Variants in NWD2 observed in about 807,000 individuals in gnomAD.
The protein encoded by NWD2 is NACHT and WD repeat domain containing 2, also known as NACHT and WD repeat domain-containing protein 2.
A neutral mutation model predicts 132.7 loss-of-function variants in NWD2; 37 were observed. That is an observed-to-expected ratio of 0.28 (90% CI 0.21 to 0.37). The LOEUF (loss-of-function observed/expected upper bound fraction) is 0.37. NWD2 is among the 10% of genes least tolerant of loss of function. The pLI, the probability that NWD2 is intolerant of heterozygous loss-of-function variation, is 1.00. For missense variants in NWD2, 1,592 were observed against 2,122.4 expected (o/e 0.75, Z 4.91); for synonymous variants, 705 against 803.0 (o/e 0.88, Z 2.06).
chr4:37,246,434 G>A (rs763231558), intron 1 of NWD2, among the ~76,000 whole-genome samples: 1 of 152,210 alleles, frequency 6.6e-6, no homozygotes, highest in Non-Finnish European at 1.5e-5. Context: ...GTATTAGAAA[G>A]ACGATATACT....
chr4:37,286,850 T>TG (rs1718241789), intron 1 of NWD2, among the ~76,000 whole-genome samples: 2 of 151,440 alleles, frequency 1.3e-5, no homozygotes, highest in Non-Finnish European at 2.9e-5. Flanking sequence ...TTAATCACAT[T>TG]GAAAAAAAAA....
chr4:37,256,464 G>A (rs10015594), intron 1 of NWD2, among the ~76,000 whole-genome samples: 15,994 of 152,186 alleles, frequency 0.11, 933 homozygotes, highest in African/African-American at 0.14. Flanking sequence ...GAACCTGCAT[G>A]TGAGTTTGTT....
At chr4:37,249,843 C>G (rs1003104999) in intron 1 of NWD2, among the ~76,000 whole-genome samples, 1 of 152,116 alleles carries the variant, frequency 6.6e-6, no homozygotes, top group Non-Finnish European at 1.5e-5. Context: ...TTGCATCTTC[C>G]CAGACTCTTC....
At position 37,448,280 on chromosome 4, in the gene NWD2, CTT is replaced by C. The variant is rs1026526911; in HGVS notation, c.*1065_*1066del. On this transcript the variant is annotated 3_prime_UTR_variant, in exon 7 of 7. Transcript: ENST00000309447. ...TCTGGGATAAACTGAATATGCCTGTCTTTGTGCTAAAATATTCCATAAATCTT... is the reference window on the plus strand; with the variant it reads ...TCTGGGATAAACTGAATATGCCTGTCTGTGCTAAAATATTCCATAAATCTT... 6.6e-6 allele frequency: 1 copy of C among 152,160 alleles called. No individual in the cohort carries two copies. The highest frequency in any genetic ancestry group is 6.5e-5 in the Admixed American group (1 of 15,280). 9.4% of individuals were successfully genotyped at this position (152,160 alleles called of 1,614,324 possible).
At chr4:37,271,923 A>G in intron 1 of NWD2, among the ~76,000 whole-genome samples, 1 of 151,786 alleles carries the variant, frequency 6.6e-6, no homozygotes, top group East Asian at 1.9e-4. Flanking sequence ...CTAAGAAATC[A>G]TGTTAACTGT....
rs143122396 is a variant in NWD2 at position 37,440,380 on chromosome 4, C to A, written c.1296+990C>A. Among the ~76,000 whole-genome samples the A allele has an allele frequency of 2.8e-3, 423 of 152,310 alleles. 5 individuals carry two copies. The highest frequency in any genetic ancestry group is 1.0e-2 in the African/African-American group (414 of 41,564). On this transcript the variant is annotated intron_variant, in intron 6 of 6. Transcript: ENST00000309447. ...TTGTTTTGCCCTGAGGAACTCTAGA[C>A]CTCTGGGCCAGTCCCAGCCCTGTAG...
At chr4:37,359,817 A>T (rs1328968325) in intron 3 of NWD2, among the ~76,000 whole-genome samples, 1 of 151,984 alleles carries the variant, frequency 6.6e-6, no homozygotes, top group Non-Finnish European at 1.5e-5. Context: ...TTCCACTGAC[A>T]TGCAAGCTGT....
At chr4:37,315,562 A>T (rs185640136) in intron 1 of NWD2, among the ~76,000 whole-genome samples, 1 of 151,782 alleles carries the variant, frequency 6.6e-6, no homozygotes, top group Admixed American at 6.6e-5. Context: ...CTATCCTTTT[A>T]CTTTCAACAT....
Position 37,439,266 on chromosome 4 carries a change from G to T in NWD2, c.1172G>T (p.Cys391Phe). ...KTYASFYEYK[C>F]ESLNIVHNYI... ...TACGCCTCCTTCTATGAGTACAAAT[G>T]TGAATCTCTAAACATAGTGCATAAC... Residue 391 changes from cysteine to phenylalanine, a missense_variant, in exon 6 of 7, where the codon TGT becomes TTT. Coordinates refer to ENST00000309447, the MANE Select transcript of NWD2 (RefSeq NM_001144990.2). This position sits in a 1 kb window ranked among gnomAD's most constrained non-coding sequence, Gnocchi z 4.5. The T allele has an allele frequency of 6.4e-7, 1 of 1,551,160 alleles. No individual in the cohort carries two copies. Among genetic ancestry groups the T allele is most frequent in the Non-Finnish European group, 8.7e-7 (1 of 1,146,834 alleles).
intron 1 of NWD2, among the ~76,000 whole-genome samples, chr4:37,297,476 A>G (rs1233713716): frequency 2.6e-5 from 4 of 152,178 alleles, no homozygotes; most frequent in Admixed American, 2.6e-4. Flanking sequence ...TAAATGCTTC[A>G]ATGTATATTT....
rs1226677682 is a variant in NWD2, at chr4:37,439,018, T to A, written c.924T>A (p.Thr308=). ...AACTCAGGGATGAATTTATTCCTAC[T>A]ATTGTTGCATCATCTAATCTGAGAG... ...LIKLRDEFIP[T]IVASSNLRVY... is the part of the protein sequence containing the mutation. The change falls in exon 6 of 7, where the codon ACT becomes ACA. Residue 308 remains threonine (T), a synonymous_variant. Transcript: ENST00000309447. The surrounding 1 kb of genome is among the most constrained non-coding windows in gnomAD (Gnocchi z 4.5). 7.1e-6 allele frequency: 11 copies of A among 1,551,682 alleles called. No homozygotes were observed. Among genetic ancestry groups the A allele is most frequent in the African/African-American group, 6.8e-5 (5 of 73,062 alleles).
intron 3 of NWD2, among the ~76,000 whole-genome samples, chr4:37,417,728 A>G (rs1711666576): frequency 6.6e-6 from 1 of 152,182 alleles, no homozygotes; most frequent in Admixed American, 6.5e-5. Flanking sequence ...CTGGAATTGA[A>G]CAATTAAGTA....
intron 5 of NWD2, among the ~76,000 whole-genome samples, chr4:37,436,464 C>A (rs1382704237): frequency 2.0e-5 from 3 of 152,078 alleles, no homozygotes; most frequent in Non-Finnish European, 2.9e-5. Context: ...ATTTATCCCC[C>A]CTGAGCCAAG....
rs1439759684 is a variant in NWD2 at position 37,348,661 on chromosome 4, T to C, written c.241-7705T>C. Among the ~76,000 whole-genome samples, 560 of 74,176 alleles carry C rather than the reference T, an allele frequency of 7.5e-3. 23 individuals carry two copies. The highest frequency in any genetic ancestry group is 0.024 in the African/African-American group (531 of 22,040). 48.7% of individuals were successfully genotyped at this position (74,176 alleles called of 152,430 possible). A position where few individuals can be genotyped will look rare whatever the true frequency, so the allele number is the denominator to read the frequency against. ...TCATATATATATATATATATATATATATATATATATATATACACACACACA... is the reference window on the plus strand; with the variant it reads ...TCATATATATATATATATATATATACATATATATATATATACACACACACA... On this transcript the variant is annotated intron_variant, in intron 2 of 6. Transcript: ENST00000309447.
At chr4:37,372,157 A>T (rs1275626672) in intron 3 of NWD2, among the ~76,000 whole-genome samples, 4 of 152,158 alleles carry the variant, frequency 2.6e-5, no homozygotes, top group African/African-American at 9.7e-5. Flanking sequence ...CTCTACCTCA[A>T]CACTATATTA....
chr4:37,273,009 C>T (rs1045840478), intron 1 of NWD2, among the ~76,000 whole-genome samples: 3 of 151,700 alleles, frequency 2.0e-5, no homozygotes, highest in African/African-American at 7.3e-5. Context: ...TTCAGTTCAC[C>T]CAATAGATTC....
At chr4:37,420,655 G>A (rs1168667863) in intron 3 of NWD2, among the ~76,000 whole-genome samples, 2 of 152,178 alleles carry the variant, frequency 1.3e-5, no homozygotes, top group Non-Finnish European at 2.9e-5. Context: ...TGCCAGTCCA[G>A]TCTGGCGATA....
chr4:37,304,421 C>A (rs1718668249), intron 1 of NWD2, among the ~76,000 whole-genome samples: 1 of 151,762 alleles, frequency 6.6e-6, no homozygotes, highest in African/African-American at 2.4e-5. Flanking sequence ...ATCATACTTT[C>A]TCAGCAGTCC....
intron 1 of NWD2, among the ~76,000 whole-genome samples, chr4:37,264,347 C>T (rs189980239): frequency 3.3e-5 from 5 of 152,078 alleles, no homozygotes; most frequent in Non-Finnish European, 7.4e-5. Context: ...AATTTCTCTC[C>T]TGTAAGTAAA....
Sources: gnomAD v4.1 joint callset for allele counts (sites outside exome capture counted in the v4.1 genomes callset) on GRCh38, gnomAD v4.1.1 for gene constraint, Gnocchi (gnomAD v3.1) non-coding constraint, MANE v1.5 for transcripts, NCBI Gene and HGNC (gene_info 2026-07-23, HGNC 2026-07-21) for gene names.